Variants in CLTC observed in about 807,000 individuals in gnomAD.
The protein encoded by CLTC is clathrin heavy chain 1.
In CLTC, 16 loss-of-function variants were observed where a neutral mutation model predicts 195.8. The ratio of observed to expected loss-of-function variants is 0.08; its 90% CI spans 0.06 to 0.12. The LOEUF is 0.12. Ranked by LOEUF, CLTC falls within the 10% of genes least tolerant of loss-of-function variation. The pLI, the probability that CLTC is intolerant of heterozygous loss-of-function variation, is 1.00. For synonymous variants in CLTC, 667 were observed against 689.4 expected (o/e 0.97, Z 0.51); for missense variants, 796 against 2,027.0 (o/e 0.39, Z 11.66).
At chr17:59,661,402 T>C (rs1389056744) in intron 7 of CLTC, 41 bp from the exon 8 acceptor site, 3 of 1,516,052 alleles carry the variant, frequency 2.0e-6, no homozygotes, top group Middle Eastern at 1.7e-4. Context: ...TTTCTCCTTC[T>C]TACACTTTCG....
chr17:59,627,942 G>A (rs890468012), intron 1 of CLTC, among the ~76,000 whole-genome samples: 1 of 152,204 alleles, frequency 6.6e-6, no homozygotes, highest in African/African-American at 2.4e-5. Context: ...TGAACTCAAC[G>A]AAGGCAGTTG....
rs2032126978 is a variant in CLTC, at chr17:59,644,307, T to C, written c.74T>C (p.Ile25Thr). The C allele has an allele frequency of 1.2e-6, 2 of 1,614,096 alleles. No homozygotes were observed. The highest frequency in any genetic ancestry group is 1.7e-6 in the Non-Finnish European group (2 of 1,179,996). The change falls in exon 2 of 32, where the codon ATT (isoleucine) becomes ACT (threonine). Residue 25 changes from isoleucine (I) to threonine (T), a missense_variant. Around this residue, in one of 9 missense-constraint regions of CLTC, gnomAD observed 24 missense variants for 29.8 expected, o/e 0.81. Coordinates refer to ENST00000269122, the MANE Select transcript of CLTC (RefSeq NM_004859.4). ...LQNLGINPAN[I>T]GFSTLTMESD... ...AACCTGGGTATCAACCCAGCAAACATTGGCTTCAGTACCCTGACTATGGAG... is the reference window on the plus strand; with the variant it reads ...AACCTGGGTATCAACCCAGCAAACACTGGCTTCAGTACCCTGACTATGGAG...
At chr17:59,642,472 A>G (rs569872225) in intron 1 of CLTC, among the ~76,000 whole-genome samples, 1 of 152,302 alleles carries the variant, frequency 6.6e-6, no homozygotes, top group African/African-American at 2.4e-5. Context: ...ATATAGCTCT[A>G]TGAACTTTAT....
chr17:59,649,415 T>C (rs150783348), intron 4 of CLTC, among the ~76,000 whole-genome samples: 2 of 152,320 alleles, frequency 1.3e-5, no homozygotes, highest in Non-Finnish European at 2.9e-5. Context: ...CAAAGTCTAG[T>C]TTTAGGCAAG....
intron 1 of CLTC, among the ~76,000 whole-genome samples, chr17:59,629,573 T>C (rs2031651468): frequency 7.2e-6 from 1 of 139,128 alleles, no homozygotes; most frequent in African/African-American, 2.7e-5. Context: ...CAGGCTGGAG[T>C]ACAGTGGCAT....
At chr17:59,626,953 A>T (rs2031570939) in intron 1 of CLTC, among the ~76,000 whole-genome samples, 1 of 152,246 alleles carries the variant, frequency 6.6e-6, no homozygotes, top group African/African-American at 2.4e-5. Context: ...GCTGGAGTGC[A>T]GTGGCATGAT....
chr17:59,641,319 T>C (rs2032025806), intron 1 of CLTC, among the ~76,000 whole-genome samples: 1 of 151,718 alleles, frequency 6.6e-6, no homozygotes. Context: ...ACAGGCTACT[T>C]TTCTGTTCTT....
chr17:59,624,378 A>G (rs552873165), intron 1 of CLTC, among the ~76,000 whole-genome samples: 1 of 152,010 alleles, frequency 6.6e-6, no homozygotes, highest in East Asian at 1.9e-4. Context: ...AATGTGGTAT[A>G]GTAGACAGAA....
intron 1 of CLTC, among the ~76,000 whole-genome samples, chr17:59,623,616 G>T (rs1212260876): frequency 6.6e-6 from 1 of 152,170 alleles, no homozygotes; most frequent in Non-Finnish European, 1.5e-5. Flanking sequence ...GCTTTTAAAA[G>T]ATTCCATTTA....
rs1479142821 is a variant in CLTC at position 59,664,808 on chromosome 17, A to T, written c.1543A>T (p.Ile515Leu). The part of the protein sequence containing the change: ...AKKVGYTPDW[I>L]FLLRNVMRIS... ...ATAGGTTGGATACACTCCAGATTGG[A>T]TATTTCTGCTGAGAAATGTAATGCG... Residue 515 changes from isoleucine (I) to leucine (L), a missense_variant, in exon 10 of 32, where the codon ATA (isoleucine) becomes TTA (leucine). Ile to Leu is a conservative substitution (Grantham distance 5). Around this residue, in one of 9 missense-constraint regions of CLTC, gnomAD observed 293 missense variants for 795.6 expected, o/e 0.37. Coordinates refer to ENST00000269122, the MANE Select transcript of CLTC (RefSeq NM_004859.4). 6.2e-7 allele frequency: 1 copy of T among 1,613,958 alleles called. No homozygotes were observed. The highest frequency in any genetic ancestry group is 8.5e-7 in the Non-Finnish European group (1 of 1,179,968).
In CLTC at chr17:59,685,772, C is replaced by A. The variant is rs770496181; in HGVS notation, c.4791C>A (p.Pro1597=). 8.1e-6 allele frequency: 13 copies of A among 1,613,974 alleles called. No individual in the cohort carries two copies. In the South Asian group the frequency reaches 1.3e-4, roughly 16 times the overall value. ...ACAATATCATGGATTTTGCCATGCC[C>A]TATTTCATCCAGGTCATGAAGGAGT... ...WRHNIMDFAM[P]YFIQVMKEYL... The change falls in exon 30 of 32, where the codon CCC becomes CCA. Residue 1597 remains proline (P), a synonymous_variant. Transcript: ENST00000269122. The surrounding 1 kb of genome is among the most constrained non-coding windows in gnomAD (Gnocchi z 5.0).
chr17:59,652,013 A>G (rs563393283), intron 5 of CLTC, among the ~76,000 whole-genome samples: 24 of 152,370 alleles, frequency 1.6e-4, no homozygotes, highest in Admixed American at 6.5e-4. Flanking sequence ...TCATTCAGCA[A>G]TGTTCACAGC....
chr17:59,682,638 C>T lies in CLTC; in HGVS notation c.3610C>T (p.Arg1204Cys), dbSNP rs776387946. 1.9e-6 allele frequency: 3 copies of T among 1,613,542 alleles called. No individual in the cohort carries two copies. Among genetic ancestry groups the T allele is most frequent in the East Asian group, 2.2e-5 (1 of 44,870 alleles). Residue 1204 changes from arginine (R) to cysteine (C), a missense_variant, in exon 23 of 32, where the codon CGT becomes TGT. Physicochemically the swap from Arg to Cys is radical, Grantham distance 180. Transcript: ENST00000269122. This position sits in a 1 kb window ranked among gnomAD's most constrained non-coding sequence, Gnocchi z 6.8. ...ACCTTTTTTTTTCCAGGTTGGTGAC[C>T]GTTGTTATGATGAAAAAATGTATGA... ...NNAHIQQVGD[R>C]CYDEKMYDAA...
chr17:59,651,355 C>G (rs1208693622), intron 5 of CLTC, 39 bp downstream of exon 5: 4 of 1,352,346 alleles, frequency 3.0e-6, no homozygotes, highest in Non-Finnish European at 4.2e-6. Context: ...AAAAATCTCT[C>G]CTCTTAAAAG....
Position 59,693,859 on chromosome 17 carries a change from G to A in CLTC, c.*7G>A, listed in dbSNP as rs2033364948. On this transcript the variant is annotated 3_prime_UTR_variant, in exon 32 of 32. Coordinates refer to ENST00000269122, the MANE Select transcript of CLTC (RefSeq NM_004859.4). ...CTTTGGGTACAGCATGTGAGATGAA[G>A]CGCTGATCCTGTAGTCACCTATTTT... 6.2e-7 allele frequency: 1 copy of A among 1,607,558 alleles called. No homozygotes were observed. The highest frequency in any genetic ancestry group is 8.5e-7 in the Non-Finnish European group (1 of 1,176,920).
At chr17:59,660,653 T>C (rs964592812) in intron 7 of CLTC, 65 bp downstream of exon 7, 37 of 1,513,422 alleles carry the variant, frequency 2.4e-5, no homozygotes, top group Non-Finnish European at 3.2e-5. Flanking sequence ...GTTTCTTATA[T>C]TACTAGAAAA....
chr17:59,651,323 T>G lies in CLTC; in HGVS notation c.795+7T>G, dbSNP rs765234411. The G allele has an allele frequency of 6.3e-7, 1 of 1,579,420 alleles. No individual in the cohort carries two copies. Among genetic ancestry groups the G allele is most frequent in the Admixed American group, 1.7e-5 (1 of 59,428 alleles). ...TTTTCCTGTTGCAATGCAGGTATTT[T>G]AAGCAAAATAAATGACTTTTTAAAA... On this transcript the variant is annotated splice_region_variant and intron_variant, in intron 5 of 31. Transcript: ENST00000269122.
At chr17:59,680,286 A>G (rs1419231526) in intron 18 of CLTC, among the ~76,000 whole-genome samples, 2 of 152,208 alleles carry the variant, frequency 1.3e-5, no homozygotes, top group Non-Finnish European at 2.9e-5. Context: ...CTTACTAATA[A>G]GAAGTATAGA....
intron 2 of CLTC, 56 bp downstream of exon 2, chr17:59,644,539 G>GTTTT (rs748545396): frequency 7.0e-4 from 793 of 1,136,566 alleles, no homozygotes; most frequent in African/African-American, 2.6e-3. Context: ...GTTTTTTTTT[G>GTTTT]TTTTTTTTTT....
Sources: allele counts gnomAD v4.1 joint callset (sites outside exome capture counted in the v4.1 genomes callset), GRCh38; gene constraint gnomAD v4.1.1; regional missense constraint gnomAD v4.1.1; non-coding constraint Gnocchi (gnomAD v3.1); transcripts MANE v1.5; gene names NCBI Gene and HGNC (gene_info 2026-07-23, HGNC 2026-07-21).